The following TCF12 variants were observed in gnomAD, a reference collection of about 807,000 sequenced individuals.
The protein encoded by TCF12 is transcription factor 12, also known as DNA-binding protein HTF4.
A neutral mutation model predicts 86.0 loss-of-function variants in TCF12; 45 were observed. The ratio of observed to expected loss-of-function variants is 0.52; its 90% CI spans 0.41 to 0.67. The LOEUF is 0.67. Ranked by LOEUF, TCF12 falls within the 30% of genes least tolerant of loss-of-function variation. TCF12 has a pLI of 0.00. For synonymous variants in TCF12, 330 were observed against 299.6 expected, an observed-to-expected ratio of 1.10 and a Z score of -1.05; for missense variants, 881 against 859.9, an observed-to-expected ratio of 1.02 and a Z score of -0.31.
chr15:56,921,286 T>G (rs750245225), intron 3 of TCF12, among the ~76,000 whole-genome samples, 188 bp downstream of exon 3: 34 of 152,142 alleles, frequency 2.2e-4, no homozygotes, highest in Non-Finnish European at 4.1e-4. Flanking sequence ...CTGTAGGAAA[T>G]CAGTAGTTTC....
At chr15:57,219,579 A>G in intron 8 of TCF12, 1 of 1,613,146 alleles carries the variant, frequency 6.2e-7, no homozygotes, top group South Asian at 1.1e-5. Flanking sequence ...GTATTACTAC[A>G]ATGGGAAAAC....
intron 6 of TCF12, among the ~76,000 whole-genome samples, chr15:57,183,983 C>T (rs2056515847): frequency 2.0e-5 from 3 of 152,138 alleles, no homozygotes; most frequent in South Asian, 2.1e-4. Flanking sequence ...TTTCCTCTCT[C>T]AGCCCTTATT....
At chr15:57,121,220 A>G (rs1320498930) in intron 5 of TCF12, among the ~76,000 whole-genome samples, 3 of 152,188 alleles carry the variant, frequency 2.0e-5, no homozygotes. Flanking sequence ...TAGGACAAAG[A>G]TGAAGCTTAA....
chr15:57,083,689 A>G (rs2048454093), intron 4 of TCF12, among the ~76,000 whole-genome samples: 1 of 151,978 alleles, frequency 6.6e-6, no homozygotes, highest in African/African-American at 2.4e-5. Context: ...GGCTCAAGGG[A>G]TTCTTCTATC....
intron 3 of TCF12, among the ~76,000 whole-genome samples, chr15:56,967,866 T>C (rs1244774106): frequency 6.6e-6 from 1 of 152,178 alleles, no homozygotes; most frequent in Admixed American, 6.5e-5. Context: ...GAATGTTGTT[T>C]TTTTTTAAGC....
chr15:57,191,151 T>C (rs896743385), intron 6 of TCF12, among the ~76,000 whole-genome samples: 1 of 152,182 alleles, frequency 6.6e-6, no homozygotes, highest in African/African-American at 2.4e-5. Context: ...CAAACCCATG[T>C]CATGAGACTC....
intron 3 of TCF12, among the ~76,000 whole-genome samples, chr15:57,051,155 T>C (rs535325751): frequency 6.6e-6 from 1 of 152,340 alleles, no homozygotes; most frequent in South Asian, 2.1e-4. Flanking sequence ...GTTGATTATC[T>C]TGAGGCATGG....
At chr15:57,176,789 G>A (rs1028193843) in intron 6 of TCF12, among the ~76,000 whole-genome samples, 1 of 152,192 alleles carries the variant, frequency 6.6e-6, no homozygotes, top group Non-Finnish European at 1.5e-5. Flanking sequence ...TGGTTGTTAT[G>A]CAGTGAAAGA....
intron 5 of TCF12, among the ~76,000 whole-genome samples, chr15:57,151,800 C>G (rs1235398956): frequency 6.6e-6 from 1 of 151,170 alleles, no homozygotes; most frequent in Non-Finnish European, 1.5e-5. Context: ...AAACTACAAA[C>G]TTTTAACTTT....
At chr15:57,220,076 A>G (rs1429796787) in intron 8 of TCF12, among the ~76,000 whole-genome samples, 3 of 152,182 alleles carry the variant, frequency 2.0e-5, no homozygotes, top group African/African-American at 7.2e-5. Flanking sequence ...TGTCTGCTAC[A>G]TAGCTACTCA....
chr15:57,281,960 G>A (rs1310499119), intron 19 of TCF12, among the ~76,000 whole-genome samples: 1 of 151,970 alleles, frequency 6.6e-6, no homozygotes, highest in Non-Finnish European at 1.5e-5. Flanking sequence ...ACCAGTCCCT[G>A]GTGCCAAAAA....
chr15:56,972,524 A>T (rs1351545743), intron 3 of TCF12, among the ~76,000 whole-genome samples: 12 of 152,194 alleles, frequency 7.9e-5, no homozygotes, highest in Non-Finnish European at 1.6e-4. Context: ...GTAAAAGAGC[A>T]TCTATACCAC....
chr15:57,149,969 A>G (rs1182068853), intron 5 of TCF12, among the ~76,000 whole-genome samples: 1 of 152,186 alleles, frequency 6.6e-6, no homozygotes, highest in Non-Finnish European at 1.5e-5. Context: ...GGTCCTAACT[A>G]AATCATTACT....
chr15:57,040,894 G>A (rs2066855459), intron 3 of TCF12, among the ~76,000 whole-genome samples: 1 of 152,090 alleles, frequency 6.6e-6, no homozygotes, highest in Non-Finnish European at 1.5e-5. Flanking sequence ...CAAAATTTCT[G>A]CTTAAGTGCA....
intron 3 of TCF12, among the ~76,000 whole-genome samples, chr15:56,924,190 TACCCA>T (rs2059909162): frequency 6.6e-6 from 1 of 152,130 alleles, no homozygotes; most frequent in African/African-American, 2.4e-5. Flanking sequence ...ATATACCCTT[TACCCA>T]GTTTCCTGCA....
At chr15:57,271,694 C>G (rs567856313) in intron 18 of TCF12, among the ~76,000 whole-genome samples, 1 of 152,282 alleles carries the variant, frequency 6.6e-6, no homozygotes, top group South Asian at 2.1e-4. Context: ...AGCTGTAGAC[C>G]AGAGCTGTTC....
At chr15:57,081,536 T>C (rs1257075492) in intron 4 of TCF12, among the ~76,000 whole-genome samples, 3 of 152,170 alleles carry the variant, frequency 2.0e-5, no homozygotes, top group Non-Finnish European at 4.4e-5. Flanking sequence ...ATTTTTATTA[T>C]AGTAGTAGTT....
chr15:57,270,885 A>T (rs1324529387), intron 18 of TCF12, among the ~76,000 whole-genome samples: 3 of 152,068 alleles, frequency 2.0e-5, no homozygotes, highest in African/African-American at 7.2e-5. Flanking sequence ...CCTGGGTATC[A>T]CCAGCGGAGG....
At chr15:56,918,203 C>A, upstream of TCF12, 1 of 456,288 alleles carries the variant, frequency 2.2e-6, no homozygotes, top group Non-Finnish European at 4.4e-6. Context: ...CCAGCGTGAC[C>A]TACTCGGGAA....
Sources: gnomAD v4.1 joint callset for allele counts (sites outside exome capture counted in the v4.1 genomes callset) on GRCh38, gnomAD v4.1.1 for gene constraint, MANE v1.5 for transcripts, NCBI Gene and HGNC (gene_info 2026-07-23, HGNC 2026-07-21) for gene names.